The following MEF2C variants were observed in gnomAD, a reference collection of about 807,000 sequenced individuals.
MEF2C encodes the protein myocyte enhancer factor 2C.
Under a neutral mutation model 50.5 loss-of-function variants are expected in MEF2C, and 6 were observed. The ratio of observed to expected loss-of-function variants is 0.12; its 90% CI spans 0.07 to 0.23. MEF2C has a LOEUF of 0.23. Ranked by LOEUF, MEF2C falls within the 10% of genes least tolerant of loss-of-function variation. The probability of loss-of-function intolerance (pLI) is 1.00; values close to 1 mark genes in which losing one functional copy is unlikely to be tolerated. For synonymous variants in MEF2C, 183 were observed against 228.0 expected (o/e 0.80, Z 1.78); for missense variants, 276 against 605.0 (o/e 0.46, Z 5.70).
At chr5:88,866,880 C>T (rs1827563206) in intron 1 of MEF2C, among the ~76,000 whole-genome samples, 1 of 152,162 alleles carries the variant, frequency 6.6e-6, no homozygotes, top group Admixed American at 6.5e-5. Flanking sequence ...TTTATAGGCT[C>T]TGTTATACAT....
At chr5:88,890,972 C>T (rs1298453812) in intron 1 of MEF2C, among the ~76,000 whole-genome samples, 1 of 152,180 alleles carries the variant, frequency 6.6e-6, no homozygotes, top group South Asian at 2.1e-4. Context: ...GCAAATTCAT[C>T]TTACAGAAAG....
rs879036291 is a variant in MEF2C at position 88,797,455 on chromosome 5, C to CT, written c.258+7142dup. ...CACAGACTAGGATTGCAACCCTTGC[C>CT]TTTTTTTTTTTTTTTTTTTTTTTTT... is the stretch of plus-strand genomic sequence containing the variant. On this transcript the variant is annotated intron_variant, in intron 3 of 10. Coordinates refer to ENST00000504921, the MANE Select transcript of MEF2C (RefSeq NM_002397.5). Among the ~76,000 whole-genome samples the CT allele has an allele frequency of 4.5e-3, 283 of 63,152 alleles. 21 individuals are homozygous for CT. The highest frequency in any genetic ancestry group is 0.012 in the East Asian group (24 of 2,040). The allele number at this position is 63,152 out of a possible 152,430, so 41.4% of individuals were successfully genotyped here.
At chr5:88,743,732 C>T (rs530620864) in intron 6 of MEF2C, 68 of 985,334 alleles carry the variant, frequency 6.9e-5, no homozygotes, top group East Asian at 3.4e-4. Flanking sequence ...TATTTATCCA[C>T]GGCAGTACAC....
At chr5:88,862,561 G>A (rs1411325713) in intron 1 of MEF2C, among the ~76,000 whole-genome samples, 1 of 151,468 alleles carries the variant, frequency 6.6e-6, no homozygotes, top group Non-Finnish European at 1.5e-5. Context: ...AAAAAAACCC[G>A]AGAAATAACC....
At chr5:88,813,314 C>T (rs1352303368) in intron 2 of MEF2C, among the ~76,000 whole-genome samples, 2 of 152,152 alleles carry the variant, frequency 1.3e-5, no homozygotes, top group Non-Finnish European at 2.9e-5. Context: ...CTGATTTACA[C>T]AGGCAATGTA....
chr5:88,834,396 T>C (rs183626527), intron 1 of MEF2C, among the ~76,000 whole-genome samples: 1 of 152,242 alleles, frequency 6.6e-6, no homozygotes, highest in East Asian at 1.9e-4. Flanking sequence ...CAGATATCAA[T>C]GACAAAATTC....
chr5:88,729,434 A>C, intron 8 of MEF2C, 87 bp from the exon 9 acceptor site: 2 of 1,202,486 alleles, frequency 1.7e-6, no homozygotes, highest in Non-Finnish European at 1.2e-6. Flanking sequence ...CCACATAAAG[A>C]GATAACTTGG....
intron 1 of MEF2C, among the ~76,000 whole-genome samples, chr5:88,832,282 T>G (rs964317301): frequency 1.3e-5 from 2 of 152,132 alleles, no homozygotes; most frequent in African/African-American, 4.8e-5. Context: ...TAACTTTTAT[T>G]TGGCTTGCTT....
Position 88,823,865 on chromosome 5 carries a change from C to T in MEF2C, c.-77G>A. Reference sequence around the variant, plus strand: ...TCCTTTTCTTTCTCTTTCCTGTTTCCTCCAAACAAATCTCCTTCTTCAGCA... The same window carrying T: ...TCCTTTTCTTTCTCTTTCCTGTTTCTTCCAAACAAATCTCCTTCTTCAGCA... On this transcript the variant is annotated 5_prime_UTR_variant, in exon 2 of 11. Transcript: ENST00000504921. 2 of 1,591,912 alleles carry T rather than the reference C, an allele frequency of 1.3e-6. No individual in the cohort carries two copies. Among genetic ancestry groups the T allele is most frequent in the South Asian group, 1.2e-5 (1 of 86,868 alleles).
intron 1 of MEF2C, among the ~76,000 whole-genome samples, chr5:88,852,228 A>G (rs1821627222): frequency 6.6e-6 from 1 of 152,202 alleles, no homozygotes; most frequent in African/African-American, 2.4e-5. Context: ...TAAATACTTT[A>G]AATCTTTTCT....
chr5:88,729,946 G>C (rs1760729518), intron 8 of MEF2C, among the ~76,000 whole-genome samples: 1 of 151,714 alleles, frequency 6.6e-6, no homozygotes, highest in Non-Finnish European at 1.5e-5. Context: ...AAATATTTTA[G>C]TTTTATGTAA....
chr5:88,751,841 C>A lies in MEF2C; in HGVS notation c.589+16G>T, dbSNP rs368856331. The A allele has an allele frequency of 1.9e-6, 3 of 1,611,460 alleles. No homozygotes were observed. In the African/African-American group the frequency reaches 4.0e-5, roughly 22 times the overall value. Reference sequence around the variant, plus strand: ...TTCCAACTATTTGTTAGCATTACATCCTTATGAGGACATACCTGTGTTACC... The same window carrying A: ...TTCCAACTATTTGTTAGCATTACATACTTATGAGGACATACCTGTGTTACC... On this transcript the variant is annotated intron_variant, in intron 5 of 10. Transcript: ENST00000504921.
At chr5:88,839,154 C>T (rs1275612296) in intron 1 of MEF2C, 2 of 152,104 alleles carry the variant, frequency 1.3e-5, no homozygotes, top group Admixed American at 6.5e-5. Context: ...ATATATTCAG[C>T]ATTTGTCAGA....
chr5:88,794,350 G>C (rs1186473769), intron 3 of MEF2C, among the ~76,000 whole-genome samples: 1 of 152,196 alleles, frequency 6.6e-6, no homozygotes, highest in South Asian at 2.1e-4. Context: ...ACTGGTGTGA[G>C]ATGTTATCTC....
At chr5:88,756,686 A>AAATGCTAT in intron 4 of MEF2C, among the ~76,000 whole-genome samples, 1 of 152,232 alleles carries the variant, frequency 6.6e-6, no homozygotes, top group Non-Finnish European at 1.5e-5. Context: ...TAGGGAATGC[A>AAATGCTAT]AATGCTATAA....
At chr5:88,844,451 A>C (rs949033082) in intron 1 of MEF2C, among the ~76,000 whole-genome samples, 1 of 152,212 alleles carries the variant, frequency 6.6e-6, no homozygotes, top group African/African-American at 2.4e-5. Flanking sequence ...ACATATATCA[A>C]ATTCAAGTAC....
intron 1 of MEF2C, among the ~76,000 whole-genome samples, chr5:88,898,590 T>G (rs1835339093): frequency 6.6e-6 from 1 of 152,178 alleles, no homozygotes; most frequent in South Asian, 2.1e-4. Flanking sequence ...GTGACCTCAG[T>G]AATCACCTCC....
chr5:88,787,403 C>T (rs1051256662), intron 3 of MEF2C, among the ~76,000 whole-genome samples: 1 of 151,792 alleles, frequency 6.6e-6, no homozygotes, highest in African/African-American at 2.4e-5. Flanking sequence ...ACCTGCAATC[C>T]TCATGACAGC....
chr5:88,794,587 G>T (rs1580813721), intron 3 of MEF2C, among the ~76,000 whole-genome samples: 1 of 151,942 alleles, frequency 6.6e-6, no homozygotes, highest in East Asian at 1.9e-4. Context: ...TCCATTCTTT[G>T]GGTTGCCTGT....
Sources: allele counts gnomAD v4.1 joint callset (sites outside exome capture counted in the v4.1 genomes callset), GRCh38; gene constraint gnomAD v4.1.1; transcripts MANE v1.5; gene names NCBI Gene and HGNC (gene_info 2026-07-23, HGNC 2026-07-21).